TRIM2: variants seen among roughly 807,000 people sequenced by gnomAD.
The protein encoded by TRIM2 is tripartite motif containing 2, also known as tripartite motif-containing protein 2.
Under a neutral mutation model 75.2 loss-of-function variants are expected in TRIM2, and 20 were observed. That is an observed-to-expected ratio of 0.27 (90% CI 0.19 to 0.39). TRIM2 has a LOEUF of 0.39. Among genes scored for constraint, TRIM2 ranks in the 10% least tolerant of loss-of-function variants. TRIM2 has a pLI of 1.00. For missense variants in TRIM2, 660 were observed against 990.8 expected, an observed-to-expected ratio of 0.67 and a Z score of 4.48; for synonymous variants, 373 against 388.3, an observed-to-expected ratio of 0.96 and a Z score of 0.46.
intron 1 of TRIM2, among the ~76,000 whole-genome samples, chr4:153,238,979 G>A (rs774025969): frequency 3.9e-5 from 6 of 152,168 alleles, no homozygotes; most frequent in Non-Finnish European, 8.8e-5. Flanking sequence ...GCCTTTGGAA[G>A]GTGATTAGGG....
At chr4:153,239,196 CA>C (rs2149833401) in intron 1 of TRIM2, among the ~76,000 whole-genome samples, 1 of 152,168 alleles carries the variant, frequency 6.6e-6, no homozygotes, top group East Asian at 1.9e-4. Flanking sequence ...ACTAAAAATA[CA>C]AAAAATTAGC....
intron 1 of TRIM2, among the ~76,000 whole-genome samples, chr4:153,245,156 G>A (rs1371335741): frequency 1.3e-5 from 2 of 152,176 alleles, no homozygotes; most frequent in Non-Finnish European, 2.9e-5. Context: ...CAAAACACAG[G>A]GTGATCATGC....
At position 153,293,038 on chromosome 4, in the gene TRIM2, G is replaced by A. The variant is rs765913100; in HGVS notation, c.510G>A (p.Glu170=). The change falls in exon 4 of 12, where the codon GAG becomes GAA. Residue 170 remains glutamate, a synonymous_variant. Coordinates refer to ENST00000338700, the MANE Select transcript of TRIM2 (RefSeq NM_015271.5). The part of the protein sequence containing the change: ...CETAMCRECT[E]GEHAEHPTVP... Reference sequence around the variant, plus strand: ...CTGCCATGTGTCGGGAGTGCACGGAGGGGGAGCACGCAGAGCACCCCACAG... The same window carrying A: ...CTGCCATGTGTCGGGAGTGCACGGAAGGGGAGCACGCAGAGCACCCCACAG... 10 of 1,613,520 alleles carry A rather than the reference G, an allele frequency of 6.2e-6. No homozygotes were observed. The Admixed American group carries it at 1.5e-4, about 24-fold the overall frequency.
intron 6 of TRIM2, among the ~76,000 whole-genome samples, chr4:153,304,102 C>CT (rs1289151640): frequency 6.6e-5 from 10 of 151,386 alleles, no homozygotes; most frequent in South Asian, 2.1e-4. Flanking sequence ...CTAGAGATGA[C>CT]TTTTTTTTTC....
rs751579921 is a variant in TRIM2, at chr4:153,295,269, C to T, written c.787-44C>T. On this transcript the variant is annotated intron_variant, in intron 5 of 11. Transcript: ENST00000338700. This position sits in a 1 kb window ranked among gnomAD's most constrained non-coding sequence, Gnocchi z 7.2. ...GGAGGGCACTGCCCCGGGCTAGGCC[C>T]CGCCCTGTGGGACGAGCTCACCAGG... 3 of 1,518,066 alleles carry T rather than the reference C, an allele frequency of 2.0e-6. No homozygotes were observed. Among genetic ancestry groups the T allele is most frequent in the African/African-American group, 1.4e-5 (1 of 72,580 alleles). The allele number at this position is 1,518,066 out of a possible 1,614,324, so 94.0% of individuals were successfully genotyped here.
chr4:153,285,146 T>G (rs1360872292), intron 3 of TRIM2, among the ~76,000 whole-genome samples: 1 of 152,226 alleles, frequency 6.6e-6, no homozygotes, highest in Admixed American at 6.5e-5. Context: ...ATTTCATTCT[T>G]GTACATGTGA....
rs531151199 is a variant in TRIM2, at chr4:153,308,620, G to T, written c.1511-6865G>T. The T allele has an allele frequency of 4.5e-4, 284 of 628,684 alleles. 1 individual carries two copies. The highest frequency in any genetic ancestry group is 1.4e-3 in the Middle Eastern group (5 of 3,654). The allele number at this position is 628,684 out of a possible 1,614,324, so 38.9% of individuals were successfully genotyped here. On this transcript the variant is annotated intron_variant, in intron 6 of 11. Coordinates refer to ENST00000338700, the MANE Select transcript of TRIM2 (RefSeq NM_015271.5). ...AGTGGTGATCTCATCCACACCTTTG[G>T]TCTTGATGGCCATTTCAATGTTCAA...
At chr4:153,244,124 T>A (rs1560871886) in intron 1 of TRIM2, among the ~76,000 whole-genome samples, 1 of 144,244 alleles carries the variant, frequency 6.9e-6, no homozygotes, top group African/African-American at 2.6e-5. Context: ...CACTGCCATC[T>A]TCTTCTTCTT....
rs139493331 is a variant in TRIM2, at chr4:153,299,355, G to GTATATATATA, written c.1510+3324_1510+3333dup. 2.4e-3 allele frequency among the ~76,000 whole-genome samples: 367 copies of GTATATATATA among 150,620 alleles called. 2 individuals carry two copies. Among genetic ancestry groups the GTATATATATA allele is most frequent in the African/African-American group, 8.4e-3 (347 of 41,080 alleles). On this transcript the variant is annotated intron_variant, in intron 6 of 11. Coordinates refer to ENST00000338700, the MANE Select transcript of TRIM2 (RefSeq NM_015271.5). ...ATAGTATTCCATTGTGTGTGTATGT[G>GTATATATATA]TATATATATATATACACACAGTGAA...
intron 3 of TRIM2, among the ~76,000 whole-genome samples, chr4:153,287,943 T>C (rs564440540): frequency 6.6e-6 from 1 of 152,330 alleles, no homozygotes; most frequent in South Asian, 2.1e-4. Flanking sequence ...CCCTTTGGCA[T>C]GACTTGTAGG....
At chr4:153,221,343 G>A (rs951171478) in intron 1 of TRIM2, among the ~76,000 whole-genome samples, 20 of 152,058 alleles carry the variant, frequency 1.3e-4, no homozygotes, top group Non-Finnish European at 1.9e-4. Context: ...TGTGAAGATC[G>A]CTTGAGCCCA....
upstream of TRIM2, among the ~76,000 whole-genome samples, chr4:153,202,327 C>T (rs147403308): frequency 6.6e-6 from 1 of 152,186 alleles, no homozygotes; most frequent in East Asian, 1.9e-4. Flanking sequence ...AGTTTGTATG[C>T]CTATAATTTA....
intron 9 of TRIM2, among the ~76,000 whole-genome samples, chr4:153,323,159 C>T (rs758162837): frequency 1.2e-4 from 18 of 152,106 alleles, no homozygotes; most frequent in Non-Finnish European, 2.4e-4. Flanking sequence ...CTAGCTGTAA[C>T]TTTGCTTAAA....
intron 1 of TRIM2, among the ~76,000 whole-genome samples, chr4:153,168,993 A>G (rs1394695594): frequency 6.6e-6 from 1 of 152,232 alleles, no homozygotes; most frequent in East Asian, 1.9e-4. Flanking sequence ...AGGTGGGAGG[A>G]TCACTTGAGC....
chr4:153,244,322 T>TCCTCC (rs1747964991), intron 1 of TRIM2, among the ~76,000 whole-genome samples: 2 of 15,792 alleles, frequency 1.3e-4, no homozygotes, highest in Non-Finnish European at 2.0e-4. Flanking sequence ...CCTCCTCCTC[T>TCCTCC]TCTTCTTCTT....
chr4:153,283,157 A>C (rs1231316055), intron 3 of TRIM2, among the ~76,000 whole-genome samples: 2 of 152,094 alleles, frequency 1.3e-5, no homozygotes, highest in Admixed American at 6.6e-5. Flanking sequence ...CCACTGTCTA[A>C]ATTTCAGAAC....
intron 6 of TRIM2, among the ~76,000 whole-genome samples, chr4:153,299,876 G>A (rs139108696): frequency 0.012 from 1,891 of 152,246 alleles, 30 homozygotes; most frequent in African/African-American, 0.043. Flanking sequence ...AGCTTAGACT[G>A]TGTGGTCCAA....
At chr4:153,179,873 C>G (rs1292247811) in intron 1 of TRIM2, among the ~76,000 whole-genome samples, 2 of 152,170 alleles carry the variant, frequency 1.3e-5, no homozygotes, top group Non-Finnish European at 2.9e-5. Context: ...AGATATCCAG[C>G]CACTGTGTTG....
chr4:153,237,352 GGCTCTTAGTTACTTAGGAGTGT>G (rs1182125478), intron 1 of TRIM2, among the ~76,000 whole-genome samples: 1 of 147,478 alleles, frequency 6.8e-6, no homozygotes, highest in Non-Finnish European at 1.5e-5. Flanking sequence ...TATTGTTTAT[GGCTCTTAGTTACTTAGGAGTGT>G]GCATACTAAT....
Sources: allele counts gnomAD v4.1 joint callset (sites outside exome capture counted in the v4.1 genomes callset), GRCh38; gene constraint gnomAD v4.1.1; non-coding constraint Gnocchi (gnomAD v3.1); transcripts MANE v1.5; gene names NCBI Gene and HGNC (gene_info 2026-07-23, HGNC 2026-07-21).